The following GABRG3 variants were observed in gnomAD, a reference collection of about 807,000 sequenced individuals.
GABRG3 encodes the protein gamma-aminobutyric acid type A receptor subunit gamma3.
A neutral mutation model predicts 48.8 loss-of-function variants in GABRG3; 25 were observed. The ratio of observed to expected loss-of-function variants is 0.51; its 90% CI spans 0.37 to 0.72. The LOEUF is 0.72. Among genes scored for constraint, GABRG3 ranks in the 30% least tolerant of loss-of-function variants. GABRG3 has a pLI of 0.00. For synonymous variants in GABRG3, 227 were observed against 217.6 expected (o/e 1.04, Z -0.38); for missense variants, 394 against 577.9 (o/e 0.68, Z 3.26).
chr15:27,350,925 TGTGTGTGTATC>T (rs1894546722), intron 5 of GABRG3, among the ~76,000 whole-genome samples: 2 of 150,838 alleles, frequency 1.3e-5, no homozygotes, highest in South Asian at 4.2e-4. Flanking sequence ...TGTGTGTTTG[TGTGTGTGTATC>T]GTGTGTGTAT....
chr15:27,443,920 T>C (rs78789695), intron 5 of GABRG3, among the ~76,000 whole-genome samples: 2,182 of 152,368 alleles, frequency 0.014, 57 homozygotes, highest in African/African-American at 0.05. Context: ...TTTTCTCTTT[T>C]ACTCTGTTAA....
At position 27,490,797 on chromosome 15, in the gene GABRG3, T is replaced by C. The variant is rs538826415; in HGVS notation, c.712+10010T>C. On this transcript the variant is annotated intron_variant, in intron 6 of 9. Transcript: ENST00000615808. ...TCGCTCTCCATAACAAATAAAGATA[T>C]ATTTATCTTTTAGACTCATTTGCTA... 3.9e-5 allele frequency among the ~76,000 whole-genome samples: 6 copies of C among 152,290 alleles called. No homozygotes were observed. The East Asian group carries it at 9.7e-4, about 25-fold the overall frequency.
chr15:27,262,719 A>C (rs1256452121), intron 3 of GABRG3, among the ~76,000 whole-genome samples: 1 of 152,212 alleles, frequency 6.6e-6, no homozygotes, highest in African/African-American at 2.4e-5. Flanking sequence ...TTCTTTTTAA[A>C]ATTTGCAAAT....
intron 3 of GABRG3, among the ~76,000 whole-genome samples, chr15:27,313,908 T>C (rs1411891383): frequency 1.3e-5 from 2 of 151,766 alleles, no homozygotes; most frequent in African/African-American, 4.8e-5. Context: ...ACTTTACATC[T>C]CAAGGCGCTA....
chr15:27,240,634 A>G (rs1890103661), intron 3 of GABRG3, among the ~76,000 whole-genome samples: 1 of 152,214 alleles, frequency 6.6e-6, no homozygotes, highest in South Asian at 2.1e-4. Flanking sequence ...AATTTTATCC[A>G]CAAAGAACAA....
chr15:26,992,345 A>T (rs1033253126), intron 2 of GABRG3, among the ~76,000 whole-genome samples: 2 of 152,212 alleles, frequency 1.3e-5, no homozygotes, highest in African/African-American at 4.8e-5. Context: ...TTTCCCATTC[A>T]ATATGATACT....
At chr15:27,386,135 C>A (rs927975868) in intron 5 of GABRG3, among the ~76,000 whole-genome samples, 1 of 151,958 alleles carries the variant, frequency 6.6e-6, no homozygotes, top group Non-Finnish European at 1.5e-5. Context: ...CTTTGTTTTC[C>A]TGGTGTTTTC....
At chr15:27,284,612 G>T (rs979626292) in intron 3 of GABRG3, among the ~76,000 whole-genome samples, 2 of 152,160 alleles carry the variant, frequency 1.3e-5, no homozygotes, top group Non-Finnish European at 2.9e-5. Flanking sequence ...TCAAGACCAA[G>T]AGAAAGCTGT....
At chr15:27,308,752 T>TAATGTAAACATACGTTTATATGTAAACAC (rs1566775122) in intron 3 of GABRG3, among the ~76,000 whole-genome samples, 14 of 148,244 alleles carry the variant, frequency 9.4e-5, no homozygotes, top group South Asian at 2.2e-4. Context: ...TATGTAAACA[T>TAATGTAAACATACGTTTATATGTAAACAC]ATAATGTAAA....
At chr15:27,382,408 T>G (rs1566815050) in intron 5 of GABRG3, among the ~76,000 whole-genome samples, 1 of 151,996 alleles carries the variant, frequency 6.6e-6, no homozygotes, top group Non-Finnish European at 1.5e-5. Context: ...GTTAATTAAG[T>G]GACAAGAGCC....
intron 7 of GABRG3, among the ~76,000 whole-genome samples, chr15:27,521,668 A>G (rs1005531970): frequency 5.9e-5 from 9 of 152,100 alleles, no homozygotes; most frequent in Non-Finnish European, 1.0e-4. Context: ...CTCATCACAG[A>G]AAGTATATAA....
rs60516105 is a variant in GABRG3 at position 27,001,888 on chromosome 15, G to GTTTTTTTTTTTTTT, written c.202+24740_202+24753dup. On this transcript the variant is annotated intron_variant, in intron 2 of 9. Transcript: ENST00000615808. ...CTTGAAGAGAGGTTCCCATAACTCA[G>GTTTTTTTTTTTTTT]TTTTTTTTTTTTTTTAAGATATGGT... 9.0e-3 allele frequency among the ~76,000 whole-genome samples: 1,094 copies of GTTTTTTTTTTTTTT among 121,042 alleles called. 52 individuals are homozygous for GTTTTTTTTTTTTTT. The highest frequency in any genetic ancestry group is 0.016 in the Middle Eastern group (3 of 186). 79.4% of individuals were successfully genotyped at this position (121,042 alleles called of 152,430 possible).
chr15:27,044,843 T>C lies in GABRG3; in HGVS notation c.270+18022T>C, dbSNP rs191489049. Among the ~76,000 whole-genome samples, 72 of 152,370 alleles carry C rather than the reference T, an allele frequency of 4.7e-4. No individual in the cohort carries two copies. The East Asian group carries it at 7.5e-3, about 16-fold the overall frequency. ...TGGCCGCCTGTGACTGGCTGAAGCT[T>C]GGCGGCTGTGATTGGCTGAGACTCA... On this transcript the variant is annotated intron_variant, in intron 3 of 9. Coordinates refer to ENST00000615808, the MANE Select transcript of GABRG3 (RefSeq NM_033223.5).
At chr15:27,068,085 C>T (rs960209483) in intron 3 of GABRG3, among the ~76,000 whole-genome samples, 2 of 152,198 alleles carry the variant, frequency 1.3e-5, no homozygotes, top group African/African-American at 4.8e-5. Flanking sequence ...CAATGGATGG[C>T]AGAGGGGTTG....
chr15:27,236,982 C>T lies in GABRG3; in HGVS notation c.271-89827C>T, dbSNP rs957329458. Among the ~76,000 whole-genome samples the T allele has an allele frequency of 1.3e-5, 2 of 152,190 alleles. No individual in the cohort carries two copies. Among genetic ancestry groups the T allele is most frequent in the Admixed American group, 6.5e-5 (1 of 15,280 alleles). On this transcript the variant is annotated intron_variant, in intron 3 of 9. Coordinates refer to ENST00000615808, the MANE Select transcript of GABRG3 (RefSeq NM_033223.5). The surrounding 1 kb of genome is among the most constrained non-coding windows in gnomAD (Gnocchi z 4.4). ...AGGTTATGCTTCCCAGCCTGCAGGA[C>T]GGCCACCCGTATGAAATAAAGCTCT...
chr15:27,514,128 A>C (rs1221373780), intron 6 of GABRG3, among the ~76,000 whole-genome samples: 1 of 152,258 alleles, frequency 6.6e-6, no homozygotes, highest in Non-Finnish European at 1.5e-5. Context: ...TTATAAGCAC[A>C]AAGACCGAAG....
At chr15:27,351,537 GGTGT>G (rs1452372765) in intron 5 of GABRG3, among the ~76,000 whole-genome samples, 1 of 130,626 alleles carries the variant, frequency 7.7e-6, no homozygotes, top group Non-Finnish European at 1.6e-5. Context: ...TGTGTGTGTT[GGTGT>G]GTGTATGGTG....
intron 5 of GABRG3, among the ~76,000 whole-genome samples, chr15:27,478,998 G>A (rs1370989739): frequency 6.6e-6 from 1 of 152,068 alleles, no homozygotes; most frequent in African/African-American, 2.4e-5. Flanking sequence ...AGGTGAGATG[G>A]GTGGTGGATG....
intron 5 of GABRG3, among the ~76,000 whole-genome samples, chr15:27,371,285 T>G (rs1895405854): frequency 6.6e-6 from 1 of 152,106 alleles, no homozygotes; most frequent in Non-Finnish European, 1.5e-5. Context: ...GTGAACATTT[T>G]TTTTTCTGAA....
Sources: gnomAD v4.1 joint callset for allele counts (sites outside exome capture counted in the v4.1 genomes callset) on GRCh38, gnomAD v4.1.1 for gene constraint, Gnocchi (gnomAD v3.1) non-coding constraint, MANE v1.5 for transcripts, NCBI Gene and HGNC (gene_info 2026-07-23, HGNC 2026-07-21) for gene names.